The following TMEM218 variants were observed in gnomAD, a reference collection of about 807,000 sequenced individuals.
The protein encoded by TMEM218 is transmembrane protein 218.
A neutral mutation model predicts 10.0 loss-of-function variants in TMEM218; 8 were observed. The ratio of observed to expected loss-of-function variants is 0.80; its 90% CI spans 0.47 to 1.44. The LOEUF (loss-of-function observed/expected upper bound fraction) is 1.44. Ranked by LOEUF, TMEM218 falls within the 40% of genes most tolerant of loss-of-function variation. The probability of loss-of-function intolerance (pLI) is 0.00; values close to 1 mark genes in which losing one functional copy is unlikely to be tolerated. For missense variants in TMEM218, 110 were observed against 140.1 expected (o/e 0.79, Z 1.08); for synonymous variants, 66 against 63.5 (o/e 1.04, Z -0.18).
At chr11:125,101,125 A>G in intron 4 of TMEM218, 76 bp downstream of exon 4, 1 of 1,210,788 alleles carries the variant, frequency 8.3e-7, no homozygotes, top group Non-Finnish European at 1.2e-6. Context: ...AGGGAACATC[A>G]AGGGCAGGAC....
chr11:125,101,468 CTAGA>C (rs1222914785), intron 3 of TMEM218, 165 bp from the exon 4 acceptor site: 1 of 1,532,400 alleles, frequency 6.5e-7, no homozygotes, highest in Non-Finnish European at 8.7e-7. Flanking sequence ...GTCCTTCTTC[CTAGA>C]CAGGTACCAG....
intron 1 of TMEM218, among the ~76,000 whole-genome samples, chr11:125,105,373 T>G (rs1011823189): frequency 6.6e-6 from 1 of 152,154 alleles, no homozygotes; most frequent in East Asian, 1.9e-4. Context: ...AAAACAAAGA[T>G]GTTTTCAGAC....
intron 1 of TMEM218, among the ~76,000 whole-genome samples, chr11:125,105,401 T>C (rs969866659): frequency 3.9e-5 from 6 of 152,178 alleles, no homozygotes; most frequent in Non-Finnish European, 4.4e-5. Context: ...GGGTGAAATG[T>C]AGTACACCTC....
rs896321919 is a variant in TMEM218 at position 125,095,306 on chromosome 11, A to G, written c.*2300T>C. Among the ~76,000 whole-genome samples, 2 of 152,206 alleles carry G rather than the reference A, an allele frequency of 1.3e-5. No homozygotes were observed. The highest frequency in any genetic ancestry group is 4.8e-5 in the African/African-American group (2 of 41,448). Reference sequence around the variant, plus strand: ...CATGTTCTAAGGCCACTGATCACAGAATGGTTCTGAACACTAAGATGACTT... The same window carrying G: ...CATGTTCTAAGGCCACTGATCACAGGATGGTTCTGAACACTAAGATGACTT... On this transcript the variant is annotated 3_prime_UTR_variant, in exon 5 of 5. Transcript: ENST00000682305.
rs781338388 is a variant in TMEM218 at position 125,097,637 on chromosome 11, G to A, written c.317C>T (p.Pro106Leu). ...GGAGTGCAGTGGTTTGGCATAGATC[G>A]GCTCCAGAACATAATGGATTAAAAC... ...FLVLIHYVLE[P>L]IYAKPLHSY Residue 106 changes from proline to leucine, a missense_variant, in exon 5 of 5, where the codon CCG becomes CTG. Physicochemically the swap from Pro to Leu is moderately conservative, Grantham distance 98 (BLOSUM62 -3). Coordinates refer to ENST00000682305, the MANE Select transcript of TMEM218 (RefSeq NM_001258244.2). The A allele has an allele frequency of 1.8e-5, 29 of 1,613,974 alleles. No individual in the cohort carries two copies. The highest frequency in any genetic ancestry group is 6.7e-5 in the East Asian group (3 of 44,896).
chr11:125,102,851 C>G (rs1951134319), intron 1 of TMEM218, 42 bp from the exon 2 acceptor site: 1 of 536,284 alleles, frequency 1.9e-6, no homozygotes, highest in African/African-American at 2.0e-5. Flanking sequence ...TGAACATTCA[C>G]TGTGTGCTAA....
At chr11:125,102,353 T>C (rs903773148) in intron 2 of TMEM218, 36 bp from the exon 3 acceptor site, 13 of 1,537,434 alleles carry the variant, frequency 8.5e-6, no homozygotes, top group Non-Finnish European at 9.6e-6. Flanking sequence ...ACAGAAAGCC[T>C]AAACTCATTA....
At chr11:125,100,806 A>G (rs7931744) in intron 4 of TMEM218, among the ~76,000 whole-genome samples, 124,637 of 152,132 alleles carry the variant, frequency 0.82, 51,607 homozygotes, top group African/African-American at 0.96. Context: ...CAGGATCTGC[A>G]GTTAGGAGCC....
At chr11:125,111,485 T>G (rs1251636978) in intron 1 of TMEM218, 54 bp downstream of exon 1, 1 of 152,562 alleles carries the variant, frequency 6.6e-6, no homozygotes, top group African/African-American at 2.4e-5. Flanking sequence ...TCCAACCACC[T>G]CAGCCCGACC....
rs1338515590 is a variant in TMEM218, at chr11:125,111,591, G to C, written c.-205C>G. The C allele has an allele frequency of 6.6e-6, 1 of 152,518 alleles. No individual in the cohort carries two copies. Among genetic ancestry groups the C allele is most frequent in the Middle Eastern group, 3.2e-3 (1 of 316 alleles). The allele number at this position is 152,518 out of a possible 1,614,324, so 9.4% of individuals were successfully genotyped here. ...TCCCCCAGGCTCTACTCACACCTCAGATTCCGGCGCGTTCCAGCCCACGGG... is the reference window on the plus strand; with the variant it reads ...TCCCCCAGGCTCTACTCACACCTCACATTCCGGCGCGTTCCAGCCCACGGG... On this transcript the variant is annotated 5_prime_UTR_variant, in exon 1 of 5. It adds an upstream start codon to the 5' untranslated region. Coordinates refer to ENST00000682305, the MANE Select transcript of TMEM218 (RefSeq NM_001258244.2).
At chr11:125,098,167 C>T (rs1462800171) in intron 4 of TMEM218, among the ~76,000 whole-genome samples, 1 of 152,194 alleles carries the variant, frequency 6.6e-6, no homozygotes, top group African/African-American at 2.4e-5. Flanking sequence ...GTATCTAAGA[C>T]CCAACCCCCA....
chr11:125,099,546 T>G (rs531439720), intron 4 of TMEM218, among the ~76,000 whole-genome samples: 23 of 152,330 alleles, frequency 1.5e-4, no homozygotes, highest in Admixed American at 1.3e-3. Context: ...ATTTCAAAAA[T>G]GTGTTTGCTC....
At chr11:125,104,450 G>A (rs577088984) in intron 1 of TMEM218, 33 of 152,332 alleles carry the variant, frequency 2.2e-4, no homozygotes, top group African/African-American at 5.8e-4. Flanking sequence ...GGTCTTCCCC[G>A]AGTGTCTTCT....
rs1170162045 is a variant in TMEM218, at chr11:125,095,038, T to C, written c.*2568A>G. On this transcript the variant is annotated 3_prime_UTR_variant, in exon 5 of 5. Coordinates refer to ENST00000682305, the MANE Select transcript of TMEM218 (RefSeq NM_001258244.2). ...CATTGTACACAAAGAATGGTAGCTTTACTTCCATTTTTATCAGTGAAAAAT... is the reference window on the plus strand; with the variant it reads ...CATTGTACACAAAGAATGGTAGCTTCACTTCCATTTTTATCAGTGAAAAAT... 7.2e-5 allele frequency among the ~76,000 whole-genome samples: 11 copies of C among 152,272 alleles called. No homozygotes were observed. The highest frequency in any genetic ancestry group is 2.2e-4 in the African/African-American group (9 of 41,472).
chr11:125,100,448 G>A (rs1020021440), intron 4 of TMEM218, among the ~76,000 whole-genome samples: 1 of 152,184 alleles, frequency 6.6e-6, no homozygotes, highest in African/African-American at 2.4e-5. Flanking sequence ...CCTGGCACAC[G>A]GAAATCCCTT....
At chr11:125,111,127 A>G (rs1331535908) in intron 1 of TMEM218, among the ~76,000 whole-genome samples, 2 of 152,092 alleles carry the variant, frequency 1.3e-5, no homozygotes, top group East Asian at 1.9e-4. Flanking sequence ...GCCTCGGTCT[A>G]TCCGCTCTCT....
At chr11:125,099,793 A>G (rs1429650900) in intron 4 of TMEM218, among the ~76,000 whole-genome samples, 1 of 152,112 alleles carries the variant, frequency 6.6e-6, no homozygotes, top group Non-Finnish European at 1.5e-5. Flanking sequence ...GTGTGGTGGC[A>G]CATGCCTATA....
chr11:125,102,936 G>A (rs7118508), intron 1 of TMEM218, 127 bp from the exon 2 acceptor site: 146,202 of 295,334 alleles, frequency 0.5, 37,873 homozygotes, highest in East Asian at 0.71. Flanking sequence ...CATGTTACAG[G>A]ATGGGTAAGT....
chr11:125,101,841 C>T (rs1384342150), intron 3 of TMEM218: 1 of 489,588 alleles, frequency 2.0e-6, no homozygotes, highest in Non-Finnish European at 3.5e-6. Context: ...TGCCATAAAT[C>T]TGAACAATTC....
Sources: allele counts gnomAD v4.1 joint callset (sites outside exome capture counted in the v4.1 genomes callset), GRCh38; gene constraint gnomAD v4.1.1; transcripts MANE v1.5; gene names NCBI Gene and HGNC (gene_info 2026-07-23, HGNC 2026-07-21).